Variants in CLIC6 observed in about 807,000 individuals in gnomAD.
CLIC6 encodes the protein chloride intracellular channel protein 6.
CLIC6 carries 39 observed loss-of-function variants against 49.2 expected under a neutral mutation model. That is an observed-to-expected ratio of 0.79 (90% CI 0.61 to 1.04). The LOEUF (loss-of-function observed/expected upper bound fraction) is 1.04. CLIC6 is among the 50% of genes least tolerant of loss of function. The pLI is 0.00. For missense variants in CLIC6, 988 were observed against 993.1 expected (o/e 0.99, Z 0.07); for synonymous variants, 446 against 433.4 (o/e 1.03, Z -0.36).
At chr21:34,705,496 C>T (rs2056008252) in intron 1 of CLIC6, among the ~76,000 whole-genome samples, 1 of 152,138 alleles carries the variant, frequency 6.6e-6, no homozygotes, top group South Asian at 2.1e-4. Flanking sequence ...AACTGTCCAC[C>T]TTCCACCCTT....
chr21:34,707,815 TA>T, intron 2 of CLIC6, 128 bp from the exon 3 acceptor site: 2 of 942,870 alleles, frequency 2.1e-6, no homozygotes, highest in Non-Finnish European at 3.2e-6. Context: ...GACATTTTCA[TA>T]AACCCACCAT....
At chr21:34,686,727 C>T (rs1989887216) in intron 1 of CLIC6, among the ~76,000 whole-genome samples, 1 of 152,200 alleles carries the variant, frequency 6.6e-6, no homozygotes, top group Admixed American at 6.5e-5. Context: ...CTGAGCCCAG[C>T]CTTCCAGCCA....
rs181210304 is a variant in CLIC6, at chr21:34,711,343, C to A, written c.1899+1805C>A. Among the ~76,000 whole-genome samples, 304 of 152,046 alleles carry A rather than the reference C, an allele frequency of 2.0e-3. 3 individuals carry two copies. Among genetic ancestry groups the A allele is most frequent in the African/African-American group, 7.0e-3 (291 of 41,476 alleles). ...GGCCAGGAGTTTGAGACCAGCCTGGCCAACATGGAGAAACCCTATCTCTAC... is the reference window on the plus strand; with the variant it reads ...GGCCAGGAGTTTGAGACCAGCCTGGACAACATGGAGAAACCCTATCTCTAC... On this transcript the variant is annotated intron_variant, in intron 5 of 5. Coordinates refer to ENST00000349499, the MANE Select transcript of CLIC6 (RefSeq NM_053277.3).
At chr21:34,688,372 A>C (rs970492714) in intron 1 of CLIC6, among the ~76,000 whole-genome samples, 1 of 152,178 alleles carries the variant, frequency 6.6e-6, no homozygotes, top group African/African-American at 2.4e-5. Flanking sequence ...ACTAGAGCGC[A>C]GGCGAGGGAA....
chr21:34,682,801 ATTTTT>A (rs1172251761), intron 1 of CLIC6, among the ~76,000 whole-genome samples: 125 of 69,272 alleles, frequency 1.8e-3, no homozygotes, highest in African/African-American at 7.4e-3. Flanking sequence ...CTTTCCCTCC[ATTTTT>A]TTTTTTTTTT....
At chr21:34,672,850 G>C (rs992591661) in intron 1 of CLIC6, among the ~76,000 whole-genome samples, 7 of 152,220 alleles carry the variant, frequency 4.6e-5, no homozygotes, top group African/African-American at 7.2e-5. Flanking sequence ...CCTAGCCCTT[G>C]AGGTTACCGT....
At chr21:34,708,155 G>A in intron 3 of CLIC6, 86 bp downstream of exon 3, 1 of 1,515,768 alleles carries the variant, frequency 6.6e-7, no homozygotes, top group South Asian at 1.2e-5. Flanking sequence ...CAGTGTGTGT[G>A]TGTGTGGTTT....
chr21:34,700,966 ATC>A (rs1990177005), intron 1 of CLIC6, among the ~76,000 whole-genome samples: 1 of 137,960 alleles, frequency 7.2e-6, no homozygotes, highest in Non-Finnish European at 1.6e-5. Flanking sequence ...CTGGCTGAAG[ATC>A]TGTTTGCTTT....
chr21:34,698,709 C>T (rs1990134453), intron 1 of CLIC6, among the ~76,000 whole-genome samples: 1 of 152,186 alleles, frequency 6.6e-6, no homozygotes, highest in South Asian at 2.1e-4. Flanking sequence ...AGACAAGACA[C>T]TAGAAGGTCA....
At chr21:34,712,684 G>C (rs182143275) in intron 5 of CLIC6, among the ~76,000 whole-genome samples, 1 of 152,162 alleles carries the variant, frequency 6.6e-6, no homozygotes. Flanking sequence ...TGGAGGGGAG[G>C]TAAAGAGGGA....
intron 1 of CLIC6, among the ~76,000 whole-genome samples, chr21:34,700,352 C>G (rs1429996393): frequency 1.5e-5 from 2 of 134,576 alleles, no homozygotes; most frequent in Non-Finnish European, 3.2e-5. Context: ...GAGGCTGAGG[C>G]AGGAGAATGG....
intron 5 of CLIC6, 148 bp downstream of exon 5, chr21:34,709,686 C>T: frequency 1.4e-6 from 1 of 698,874 alleles, no homozygotes; most frequent in Non-Finnish European, 2.3e-6. Flanking sequence ...GGCAGCCAAG[C>T]CCCAGCTTTC....
At position 34,708,722 on chromosome 21, in the gene CLIC6, C is replaced by T. The variant is rs1193000494; in HGVS notation, c.1633C>T (p.His545Tyr). The T allele has an allele frequency of 6.2e-7, 1 of 1,613,986 alleles. No homozygotes were observed. Among genetic ancestry groups the T allele is most frequent in the East Asian group, 2.2e-5 (1 of 44,900 alleles). Residue 545 changes from histidine (H) to tyrosine (Y), a missense_variant, in exon 4 of 6, where the codon CAT (histidine) becomes TAT (tyrosine). Coordinates refer to ENST00000349499, the MANE Select transcript of CLIC6 (RefSeq NM_053277.3). ...AAGGTATCCCAAGCTGGGGACCCAA[C>T]ATCCCGAATCTAATTCCGCAGGAAA... is the stretch of plus-strand genomic sequence containing the variant. ...PPRYPKLGTQ[H>Y]PESNSAGNDV...
intron 1 of CLIC6, among the ~76,000 whole-genome samples, chr21:34,705,240 A>G (rs1234544385): frequency 6.6e-6 from 1 of 152,162 alleles, no homozygotes; most frequent in Admixed American, 6.5e-5. Context: ...TCAAACCTGC[A>G]GTAGTTAAGA....
chr21:34,709,323 CCT>C (rs1568970946), intron 4 of CLIC6, 32 bp from the exon 5 acceptor site: 1 of 1,590,406 alleles, frequency 6.3e-7, no homozygotes, highest in Admixed American at 1.7e-5. Context: ...CACTTGCAAA[CCT>C]CTCTTTGTGA....
At chr21:34,708,596 CT>C in intron 3 of CLIC6, 103 bp from the exon 4 acceptor site, 1 of 786,732 alleles carries the variant, frequency 1.3e-6, no homozygotes, top group East Asian at 2.7e-5. Context: ...TGAAGGAAAG[CT>C]TTTCATTTTT....
At position 34,707,360 on chromosome 21, in the gene CLIC6, A is replaced by G. The variant is rs760748794; in HGVS notation, c.1455A>G (p.Ile485Met). 1 of 1,613,638 alleles carries G rather than the reference A, an allele frequency of 6.2e-7. No individual in the cohort carries two copies. The highest frequency in any genetic ancestry group is 8.5e-7 in the Non-Finnish European group (1 of 1,179,736). Residue 485 changes from isoleucine to methionine, a missense_variant, in exon 2 of 6, where the codon ATA (isoleucine) becomes ATG (methionine). Ile to Met is a conservative substitution (Grantham distance 10). Transcript: ENST00000349499. ...TGATTCTCTGGCTGAAAGGCGTTAT[A>G]TTTAATGTGACCACAGTGGACCTGA... ...LFMILWLKGV[I>M]FNVTTVDLKR... is the part of the protein sequence containing the mutation.
In CLIC6 at chr21:34,715,298, T is replaced by A. The variant is rs533889636; in HGVS notation, c.1900-1023T>A. Among the ~76,000 whole-genome samples the A allele has an allele frequency of 2.0e-5, 3 of 152,318 alleles. No homozygotes were observed. The East Asian group carries it at 5.8e-4, about 29-fold the overall frequency. On this transcript the variant is annotated intron_variant, in intron 5 of 5. Coordinates refer to ENST00000349499, the MANE Select transcript of CLIC6 (RefSeq NM_053277.3). Reference sequence around the variant, plus strand: ...TGACCTTATTTAAAAATAGGATCTTTGCAGATGTAATTAGTTAAAATAAAG... The same window carrying A: ...TGACCTTATTTAAAAATAGGATCTTAGCAGATGTAATTAGTTAAAATAAAG...
chr21:34,703,417 C>G (rs962839186), intron 1 of CLIC6, among the ~76,000 whole-genome samples: 11 of 151,984 alleles, frequency 7.2e-5, no homozygotes, highest in African/African-American at 2.7e-4. Context: ...CCAGGAATGT[C>G]TTGGGGAGTC....
Sources: allele counts gnomAD v4.1 joint callset (sites outside exome capture counted in the v4.1 genomes callset), GRCh38; gene constraint gnomAD v4.1.1; transcripts MANE v1.5; gene names NCBI Gene and HGNC (gene_info 2026-07-23, HGNC 2026-07-21).